Variants in TATDN1 observed in about 807,000 individuals in gnomAD.
TATDN1 encodes the protein deoxyribonuclease TATDN1.
A neutral mutation model predicts 46.4 loss-of-function variants in TATDN1; 40 were observed. The ratio of observed to expected loss-of-function variants is 0.86; its 90% CI spans 0.67 to 1.12. The LOEUF is 1.12. TATDN1 is among the 50% of genes most tolerant of loss of function. The pLI is 0.00. For synonymous variants in TATDN1, 95 were observed against 105.6 expected, an observed-to-expected ratio of 0.90 and a Z score of 0.62; for missense variants, 326 against 348.4, an observed-to-expected ratio of 0.94 and a Z score of 0.51.
intron 6 of TATDN1, among the ~76,000 whole-genome samples, chr8:124,510,374 T>A (rs981565386): frequency 1.3e-5 from 2 of 152,212 alleles, no homozygotes; most frequent in African/African-American, 4.8e-5. Flanking sequence ...GGCGGTACTC[T>A]TCATTGTGTG....
intron 6 of TATDN1, among the ~76,000 whole-genome samples, chr8:124,509,487 C>T (rs1818819265): frequency 6.6e-6 from 1 of 152,200 alleles, no homozygotes; most frequent in South Asian, 2.1e-4. Context: ...TGTCTTTTCA[C>T]TTCAACACAG....
chr8:124,513,399 T>C (rs1296975950), intron 6 of TATDN1, among the ~76,000 whole-genome samples: 1 of 152,246 alleles, frequency 6.6e-6, no homozygotes, highest in Admixed American at 6.5e-5. Context: ...GCTGTTCACA[T>C]ACTTTAGTAA....
intron 1 of TATDN1, 83 bp from the exon 2 acceptor site, chr8:124,523,085 T>A (rs1051458821): frequency 1.6e-6 from 2 of 1,264,670 alleles, no homozygotes; most frequent in Non-Finnish European, 2.3e-6. Context: ...GTTACTAAAC[T>A]TTTTGTTCAC....
intron 1 of TATDN1, among the ~76,000 whole-genome samples, chr8:124,525,504 G>T (rs545282699): frequency 6.6e-6 from 1 of 152,204 alleles, no homozygotes; most frequent in African/African-American, 2.4e-5. Flanking sequence ...CAGCTCACCC[G>T]CAACAAATAA....
At chr8:124,506,564 G>A (rs1443037977) in intron 8 of TATDN1, among the ~76,000 whole-genome samples, 2 of 152,124 alleles carry the variant, frequency 1.3e-5, no homozygotes, top group Non-Finnish European at 2.9e-5. Flanking sequence ...AAAGTGCACA[G>A]TAATATTAAC....
intron 1 of TATDN1, among the ~76,000 whole-genome samples, chr8:124,529,451 G>A (rs991432821): frequency 3.9e-5 from 6 of 152,106 alleles, no homozygotes; most frequent in East Asian, 3.8e-4. Flanking sequence ...GTAAGGATAC[G>A]GGGGGTTACA....
chr8:124,526,182 T>C (rs1820486609), intron 1 of TATDN1, among the ~76,000 whole-genome samples: 1 of 152,216 alleles, frequency 6.6e-6, no homozygotes. Flanking sequence ...GCCCCACCTT[T>C]TGATTTGTCC....
At chr8:124,536,454 G>A (rs966622476) in intron 1 of TATDN1, among the ~76,000 whole-genome samples, 7 of 152,168 alleles carry the variant, frequency 4.6e-5, no homozygotes, top group African/African-American at 1.7e-4. Flanking sequence ...GGATGAGGCA[G>A]GAAGATCACT....
At chr8:124,524,867 G>A (rs1043068529) in intron 1 of TATDN1, among the ~76,000 whole-genome samples, 2 of 152,162 alleles carry the variant, frequency 1.3e-5, no homozygotes, top group African/African-American at 2.4e-5. Context: ...CTGAAGGCAG[G>A]CCAGAGTGTC....
chr8:124,507,800 CA>C (rs1482828700), intron 8 of TATDN1, among the ~76,000 whole-genome samples: 1 of 138,118 alleles, frequency 7.2e-6, no homozygotes, highest in African/African-American at 2.7e-5. Context: ...AAAAAAAAAA[CA>C]AAAAACACAC....
chr8:124,535,097 CTGA>C (rs569623206), intron 1 of TATDN1, among the ~76,000 whole-genome samples: 2 of 152,286 alleles, frequency 1.3e-5, no homozygotes, highest in East Asian at 3.9e-4. Flanking sequence ...GTGGGAGGGA[CTGA>C]AACTTCCAAC....
Position 124,495,456 on chromosome 8 carries a change from C to G in TATDN1, c.664+16G>C, listed in dbSNP as rs1817382430. 1 of 1,591,394 alleles carries G rather than the reference C, an allele frequency of 6.3e-7. No homozygotes were observed. The highest frequency in any genetic ancestry group is 1.8e-5 in the Admixed American group (1 of 55,448). On this transcript the variant is annotated intron_variant, in intron 10 of 11. Coordinates refer to ENST00000276692, the MANE Select transcript of TATDN1 (RefSeq NM_032026.4). ...GTATGGTTTAATATGAAACAAAGTT[C>G]TGAAAACAAACTTACCTGTCTCAAT...
intron 8 of TATDN1, among the ~76,000 whole-genome samples, chr8:124,505,500 G>A (rs1461851119): frequency 1.7e-4 from 25 of 149,462 alleles, no homozygotes; most frequent in Admixed American, 1.7e-3. Flanking sequence ...GCCGAGGTAG[G>A]CAGATCACAA....
chr8:124,516,111 A>C lies in TATDN1; in HGVS notation c.203-81T>G, dbSNP rs999116407. The C allele has an allele frequency of 1.1e-5, 13 of 1,216,922 alleles. 1 individual carries two copies. In the Admixed American group the frequency reaches 2.0e-4, roughly 18 times the overall value. The allele number at this position is 1,216,922 out of a possible 1,614,324, so 75.4% of individuals were successfully genotyped here. ...TTATTATGATATTTAGAGGATATCA[A>C]GTAATTTCAACTGGTTTTCAACAAT... is the stretch of plus-strand genomic sequence containing the variant. On this transcript the variant is annotated intron_variant, in intron 4 of 11. Transcript: ENST00000276692.
intron 6 of TATDN1, among the ~76,000 whole-genome samples, chr8:124,512,971 A>G (rs985854669): frequency 2.6e-5 from 4 of 151,764 alleles, no homozygotes; most frequent in African/African-American, 7.3e-5. Flanking sequence ...CTGGAGTCCA[A>G]TGTCACGATC....
chr8:124,498,390 C>T (rs918796192), intron 9 of TATDN1, among the ~76,000 whole-genome samples: 1 of 152,066 alleles, frequency 6.6e-6, no homozygotes, highest in Non-Finnish European at 1.5e-5. Context: ...CCTCACCATA[C>T]AGTTTTTTCA....
chr8:124,500,184 T>C (rs1189691904), intron 9 of TATDN1, among the ~76,000 whole-genome samples: 2 of 152,180 alleles, frequency 1.3e-5, no homozygotes, highest in Non-Finnish European at 1.5e-5. Context: ...ATTTAACTTT[T>C]AGGAACCAAA....
intron 6 of TATDN1, among the ~76,000 whole-genome samples, chr8:124,514,950 G>GT (rs770550704): frequency 5.3e-5 from 8 of 152,230 alleles, no homozygotes; most frequent in Non-Finnish European, 8.8e-5. Context: ...ACTTTTGTGG[G>GT]TTTTTTCTTG....
intron 11 of TATDN1, among the ~76,000 whole-genome samples, chr8:124,492,385 A>T (rs929205024): frequency 6.6e-6 from 1 of 152,212 alleles, no homozygotes; most frequent in Admixed American, 6.5e-5. Context: ...AAGGAAATAT[A>T]AAAAACTTAC....
Sources: gnomAD v4.1 joint callset for allele counts (sites outside exome capture counted in the v4.1 genomes callset) on GRCh38, gnomAD v4.1.1 for gene constraint, MANE v1.5 for transcripts, NCBI Gene and HGNC (gene_info 2026-07-23, HGNC 2026-07-21) for gene names.